CDC14B: variants seen among roughly 807,000 people sequenced by gnomAD.
CDC14B encodes the protein cell division cycle 14B, also known as dual specificity protein phosphatase CDC14B.
In CDC14B, 22 loss-of-function variants were observed where a neutral mutation model predicts 64.2. The observed-to-expected ratio is 0.34, with a 90% CI of 0.24 to 0.49. The LOEUF (loss-of-function observed/expected upper bound fraction) is 0.49, where lower values mean the gene tolerates loss of function less well. Among genes scored for constraint, CDC14B ranks in the 20% least tolerant of loss-of-function variants. The pLI, the probability that CDC14B is intolerant of heterozygous loss-of-function variation, is 0.99. For synonymous variants in CDC14B, 191 were observed against 215.8 expected (o/e 0.89, Z 1.01); for missense variants, 498 against 629.9 (o/e 0.79, Z 2.24).
At position 96,503,688 on chromosome 9, in the gene CDC14B, G is replaced by T; in HGVS notation, c.*65C>A. ...TGCAATTTTGTTTTGTTTTCAAATTGTGCTAATTTCTGTTGCAGTTTTCAG... is the reference window on the plus strand; with the variant it reads ...TGCAATTTTGTTTTGTTTTCAAATTTTGCTAATTTCTGTTGCAGTTTTCAG... On this transcript the variant is annotated 3_prime_UTR_variant, in exon 14 of 14. Transcript: ENST00000375241. The T allele has an allele frequency of 7.1e-7, 1 of 1,414,626 alleles. No individual in the cohort carries two copies. The highest frequency in any genetic ancestry group is 9.9e-7 in the Non-Finnish European group (1 of 1,012,346). The allele number at this position is 1,414,626 out of a possible 1,614,324, so 87.6% of individuals were successfully genotyped here.
chr9:96,505,399 T>TA (rs1273409974), intron 13 of CDC14B, among the ~76,000 whole-genome samples: 2 of 152,042 alleles, frequency 1.3e-5, no homozygotes, highest in African/African-American at 4.8e-5. Flanking sequence ...GTTATCATTT[T>TA]AAAAAAAGAA....
At chr9:96,580,656 G>A (rs1845093099) in intron 1 of CDC14B, among the ~76,000 whole-genome samples, 1 of 152,146 alleles carries the variant, frequency 6.6e-6, no homozygotes, top group Non-Finnish European at 1.5e-5. Context: ...AAATCGACCC[G>A]AGAGAAATAC....
At chr9:96,603,197 C>T (rs1259590298) in intron 1 of CDC14B, among the ~76,000 whole-genome samples, 1 of 150,380 alleles carries the variant, frequency 6.6e-6, no homozygotes, top group East Asian at 2.0e-4. Flanking sequence ...CACACAAATA[C>T]ACAAAACATC....
chr9:96,584,934 G>A (rs373091286), intron 1 of CDC14B, among the ~76,000 whole-genome samples: 2 of 152,282 alleles, frequency 1.3e-5, no homozygotes, highest in East Asian at 3.9e-4. Flanking sequence ...GGGATTACAA[G>A]CATAAGCCAC....
downstream of CDC14B, among the ~76,000 whole-genome samples, chr9:96,497,700 T>C (rs1287400635): frequency 6.6e-6 from 1 of 152,182 alleles, no homozygotes; most frequent in Non-Finnish European, 1.5e-5. Context: ...CTAGGCAAAA[T>C]ATATATGGCT....
At position 96,550,859 on chromosome 9, in the gene CDC14B, C is replaced by T. The variant is rs569737385; in HGVS notation, c.497+937G>A. On this transcript the variant is annotated intron_variant, in intron 5 of 13. Coordinates refer to ENST00000375241, the MANE Select transcript of CDC14B (RefSeq NM_033331.4). ...AGATGATGTCATCCATTCCTGTAGACATCACTAACTACCACCTCTGGAACA... is the reference window on the plus strand; with the variant it reads ...AGATGATGTCATCCATTCCTGTAGATATCACTAACTACCACCTCTGGAACA... 1.1e-3 allele frequency among the ~76,000 whole-genome samples: 163 copies of T among 152,302 alleles called. 1 individual carries two copies. Among genetic ancestry groups the T allele is most frequent in the African/African-American group, 3.8e-3 (158 of 41,562 alleles).
chr9:96,592,843 T>G (rs1308328869), intron 1 of CDC14B, among the ~76,000 whole-genome samples: 4 of 152,114 alleles, frequency 2.6e-5, no homozygotes, highest in Non-Finnish European at 5.9e-5. Flanking sequence ...AGGGCTATAA[T>G]AAGATAAAAT....
intron 9 of CDC14B, among the ~76,000 whole-genome samples, chr9:96,527,272 G>A (rs878989463): frequency 8.5e-5 from 13 of 152,142 alleles, no homozygotes; most frequent in South Asian, 8.3e-4. Flanking sequence ...GGTGGCGGGC[G>A]CCTGTAGTCC....
intron 1 of CDC14B, among the ~76,000 whole-genome samples, chr9:96,584,534 A>G (rs1564372152): frequency 6.6e-6 from 1 of 152,264 alleles, no homozygotes; most frequent in Non-Finnish European, 1.5e-5. Flanking sequence ...GGATAAGCCA[A>G]GAACTCTGAT....
intron 1 of CDC14B, among the ~76,000 whole-genome samples, chr9:96,578,996 T>G (rs1438816441): frequency 6.6e-6 from 1 of 151,988 alleles, no homozygotes; most frequent in African/African-American, 2.4e-5. Flanking sequence ...TTTTCTATTT[T>G]TAGTAGAGAC....
chr9:96,515,894 C>G lies in CDC14B; in HGVS notation c.1344-6105G>C, dbSNP rs1409225102. 2 of 1,121,030 alleles carry G rather than the reference C, an allele frequency of 1.8e-6. No individual in the cohort carries two copies. The highest frequency in any genetic ancestry group is 3.1e-5 in the African/African-American group (2 of 63,606). The allele number at this position is 1,121,030 out of a possible 1,614,324, so 69.4% of individuals were successfully genotyped here. ...AAGCCATATGTGAATTTTAGACACC[C>G]TAAAAGCCCAGCCAACAGCAACAGG... On this transcript the variant is annotated intron_variant, in intron 12 of 13. Coordinates refer to ENST00000375241, the MANE Select transcript of CDC14B (RefSeq NM_033331.4). The surrounding 1 kb of genome is among the most constrained non-coding windows in gnomAD (Gnocchi z 4.3).
At chr9:96,492,943 C>T (rs1425008215) in exon 14 of CDC14B, 1 of 152,276 alleles carries the variant, frequency 6.6e-6, no homozygotes, top group Non-Finnish European at 1.5e-5. Flanking sequence ...TAATGTTGCT[C>T]ATGAGCCTTT....
intron 6 of CDC14B, among the ~76,000 whole-genome samples, chr9:96,541,152 C>T (rs1564287031): frequency 6.6e-6 from 1 of 152,212 alleles, no homozygotes; most frequent in Non-Finnish European, 1.5e-5. Flanking sequence ...TCTAGTTTCT[C>T]CTGCTGTCCT....
intron 1 of CDC14B, among the ~76,000 whole-genome samples, chr9:96,574,096 G>A (rs984927798): frequency 1.3e-4 from 20 of 151,494 alleles, no homozygotes; most frequent in Middle Eastern, 3.4e-3. Flanking sequence ...GCAGTACGCC[G>A]AGATCGCACC....
At chr9:96,509,571 A>G in intron 13 of CDC14B, 102 bp downstream of exon 13, 3 of 764,622 alleles carry the variant, frequency 3.9e-6, no homozygotes, top group Non-Finnish European at 7.0e-6. Flanking sequence ...CAGAGACTCT[A>G]CTTTCTCCTA....
At chr9:96,513,716 T>C (rs201924879) in intron 12 of CDC14B, among the ~76,000 whole-genome samples, 1 of 152,212 alleles carries the variant, frequency 6.6e-6, no homozygotes, top group African/African-American at 2.4e-5. Flanking sequence ...ATACTGGCTG[T>C]CCACTCCGGA....
intron 2 of CDC14B, 74 bp downstream of exon 2, chr9:96,565,319 C>G (rs1327349117): frequency 1.0e-5 from 9 of 864,154 alleles, no homozygotes; most frequent in Non-Finnish European, 1.7e-5. Context: ...TTTTCCCAGG[C>G]CATCCCATTT....
chr9:96,585,619 ATTG>A (rs1214787549), intron 1 of CDC14B, among the ~76,000 whole-genome samples: 2 of 152,204 alleles, frequency 1.3e-5, no homozygotes, highest in South Asian at 4.1e-4. Context: ...GACAACACCA[ATTG>A]TTGGAGAAGA....
At chr9:96,576,686 C>T (rs1015901727) in intron 1 of CDC14B, among the ~76,000 whole-genome samples, 2 of 143,402 alleles carry the variant, frequency 1.4e-5, no homozygotes, top group African/African-American at 2.5e-5. Flanking sequence ...ATAACCATCA[C>T]ACATAACAGA....
Sources: allele counts gnomAD v4.1 joint callset (sites outside exome capture counted in the v4.1 genomes callset), GRCh38; gene constraint gnomAD v4.1.1; non-coding constraint Gnocchi (gnomAD v3.1); transcripts MANE v1.5; gene names NCBI Gene and HGNC (gene_info 2026-07-23, HGNC 2026-07-21).